PDE3A: variants seen among roughly 807,000 people sequenced by gnomAD.
PDE3A encodes cGMP-inhibited 3',5'-cyclic phosphodiesterase 3A.
Under a neutral mutation model 98.3 loss-of-function variants are expected in PDE3A, and 43 were observed. The ratio of observed to expected loss-of-function variants is 0.44; its 90% CI spans 0.34 to 0.56. PDE3A has a LOEUF of 0.56. Among genes scored for constraint, PDE3A ranks in the 20% least tolerant of loss-of-function variants. The probability of loss-of-function intolerance (pLI) is 0.01; values close to 1 mark genes in which losing one functional copy is unlikely to be tolerated. For missense variants in PDE3A, 1,427 were observed against 1,440.7 expected (o/e 0.99, Z 0.15); for synonymous variants, 663 against 567.9 (o/e 1.17, Z -2.38).
In PDE3A at chr12:20,686,571, C is replaced by T. The variant is rs73085025; in HGVS notation, c.*6300C>T. On this transcript the variant is annotated 3_prime_UTR_variant, in exon 16 of 16. Transcript: ENST00000359062. ...GTAAGCCTTAATGGTTTAATATTTCCGTGTCATTGAAAGTTCCTATTTCAA... is the reference window on the plus strand; with the variant it reads ...GTAAGCCTTAATGGTTTAATATTTCTGTGTCATTGAAAGTTCCTATTTCAA... Among the ~76,000 whole-genome samples, 20 of 152,130 alleles carry T rather than the reference C, an allele frequency of 1.3e-4. No homozygotes were observed. Among genetic ancestry groups the T allele is most frequent in the Admixed American group, 5.9e-4 (9 of 15,266 alleles).
chr12:20,422,395 A>C (rs73239533), intron 1 of PDE3A, among the ~76,000 whole-genome samples: 2,372 of 152,252 alleles, frequency 0.016, 57 homozygotes, highest in African/African-American at 0.054. Flanking sequence ...TTAAAAAGAT[A>C]ATCTATGCCT....
intron 1 of PDE3A, among the ~76,000 whole-genome samples, chr12:20,489,969 G>A (rs901660693): frequency 2.0e-5 from 3 of 152,196 alleles, no homozygotes; most frequent in South Asian, 2.1e-4. Context: ...CTTGGTAAGA[G>A]AGTTGGATTT....
rs57115048 is a variant in PDE3A at position 20,561,689 on chromosome 12, G to A, written c.1011+4979G>A. 6.3e-3 allele frequency among the ~76,000 whole-genome samples: 951 copies of A among 151,820 alleles called. 18 individuals are homozygous for A. The highest frequency in any genetic ancestry group is 0.06 in the East Asian group (308 of 5,150). On this transcript the variant is annotated intron_variant, in intron 2 of 15. Transcript: ENST00000359062. Reference sequence around the variant, plus strand: ...AGTTAAGCTTCCCCTGGCTTCTCCCGGGATACTTAATAAATAAGTGATTTT... The same window carrying A: ...AGTTAAGCTTCCCCTGGCTTCTCCCAGGATACTTAATAAATAAGTGATTTT...
At chr12:20,575,440 A>G (rs904471577) in intron 2 of PDE3A, among the ~76,000 whole-genome samples, 7 of 152,034 alleles carry the variant, frequency 4.6e-5, no homozygotes, top group Admixed American at 3.3e-4. Context: ...TAAATAAACA[A>G]TTACAGAAAA....
intron 5 of PDE3A, among the ~76,000 whole-genome samples, chr12:20,627,604 A>T (rs962041102): frequency 6.9e-5 from 10 of 145,884 alleles, no homozygotes; most frequent in Non-Finnish European, 1.3e-4. Context: ...TTCTCAGTCC[A>T]CCTTATCTAA....
intron 1 of PDE3A, among the ~76,000 whole-genome samples, chr12:20,433,653 A>C (rs1266545356): frequency 6.6e-6 from 1 of 152,198 alleles, no homozygotes; most frequent in Non-Finnish European, 1.5e-5. Flanking sequence ...CAGAATTTTA[A>C]GAACAGCATA....
chr12:20,657,400 CTAA>C (rs1945067315), intron 15 of PDE3A, among the ~76,000 whole-genome samples: 1 of 152,062 alleles, frequency 6.6e-6, no homozygotes, highest in Non-Finnish European at 1.5e-5. Flanking sequence ...TTGACTTTGC[CTAA>C]TACTTAGGTT....
intron 10 of PDE3A, among the ~76,000 whole-genome samples, chr12:20,641,818 G>A (rs1007771438): frequency 6.6e-6 from 1 of 151,916 alleles, no homozygotes; most frequent in African/African-American, 2.4e-5. Flanking sequence ...TTTATTCCAG[G>A]TGAAAAGAAC....
At chr12:20,523,670 C>T (rs1463154498) in intron 1 of PDE3A, among the ~76,000 whole-genome samples, 1 of 152,094 alleles carries the variant, frequency 6.6e-6, no homozygotes, top group Non-Finnish European at 1.5e-5. Flanking sequence ...GAGCTGTTGA[C>T]CAAAGCAACA....
At chr12:20,615,439 G>A (rs1006375594) in intron 3 of PDE3A, among the ~76,000 whole-genome samples, 4 of 152,098 alleles carry the variant, frequency 2.6e-5, no homozygotes, top group African/African-American at 7.2e-5. Flanking sequence ...GAGAAGTGGT[G>A]CATTTTATGA....
chr12:20,448,397 C>G (rs1156720460), intron 1 of PDE3A, among the ~76,000 whole-genome samples: 1 of 152,052 alleles, frequency 6.6e-6, no homozygotes, highest in South Asian at 2.1e-4. Context: ...GCCGAGGTCG[C>G]GTCAATGCAC....
At chr12:20,653,354 A>G (rs990665874) in intron 14 of PDE3A, among the ~76,000 whole-genome samples, 22 of 151,914 alleles carry the variant, frequency 1.4e-4, no homozygotes, top group Non-Finnish European at 2.4e-4. Context: ...ATTTTTAAAA[A>G]AATTGTTCTC....
chr12:20,662,897 G>A (rs541678518), intron 15 of PDE3A, among the ~76,000 whole-genome samples: 16 of 152,274 alleles, frequency 1.1e-4, no homozygotes, highest in Middle Eastern at 6.8e-3. Context: ...ATGTCTCCAG[G>A]GCATGTCAGA....
intron 15 of PDE3A, among the ~76,000 whole-genome samples, chr12:20,669,600 A>C (rs2120408067): frequency 6.6e-6 from 1 of 152,230 alleles, no homozygotes. Flanking sequence ...AGCCAAACTA[A>C]GCTTCATAAG....
rs147503950 is a variant in PDE3A, at chr12:20,408,070, G to A, written c.960+37826G>A. ...TAAGTAGCTGGGACTACAGGTGCGCGCCACCACGCCCAGCTAATTTTTGTA... is the reference window on the plus strand; with the variant it reads ...TAAGTAGCTGGGACTACAGGTGCGCACCACCACGCCCAGCTAATTTTTGTA... On this transcript the variant is annotated intron_variant, in intron 1 of 15. Transcript: ENST00000359062. Among the ~76,000 whole-genome samples the A allele has an allele frequency of 7.8e-3, 1,185 of 152,044 alleles. 6 individuals are homozygous for A. Among genetic ancestry groups the A allele is most frequent in the Middle Eastern group, 0.014 (4 of 294 alleles).
intron 1 of PDE3A, among the ~76,000 whole-genome samples, chr12:20,460,074 G>A (rs1380319245): frequency 6.6e-6 from 1 of 152,090 alleles, no homozygotes; most frequent in South Asian, 2.1e-4. Flanking sequence ...AGTCACCTAC[G>A]GTGGCTGTCA....
At chr12:20,551,702 G>T (rs983420587) in intron 1 of PDE3A, 20 of 1,613,072 alleles carry the variant, frequency 1.2e-5, no homozygotes, top group Middle Eastern at 1.7e-4. Context: ...GAGGACGAGT[G>T]GTACTGCCCT....
intron 1 of PDE3A, among the ~76,000 whole-genome samples, chr12:20,491,721 A>G (rs1447829885): frequency 6.6e-6 from 1 of 152,188 alleles, no homozygotes; most frequent in Non-Finnish European, 1.5e-5. Context: ...GATTATTCAT[A>G]CTTTATGGAA....
chr12:20,663,681 C>G (rs1052297480), intron 15 of PDE3A, among the ~76,000 whole-genome samples: 1 of 152,150 alleles, frequency 6.6e-6, no homozygotes, highest in Non-Finnish European at 1.5e-5. Flanking sequence ...AGTGCCTGTA[C>G]CATCATTGTA....
Sources: allele counts gnomAD v4.1 joint callset (sites outside exome capture counted in the v4.1 genomes callset), GRCh38; gene constraint gnomAD v4.1.1; transcripts MANE v1.5; gene names NCBI Gene and HGNC (gene_info 2026-07-23, HGNC 2026-07-21).